The following PCDH17 variants were observed in gnomAD, a reference collection of about 807,000 sequenced individuals.
PCDH17 encodes protocadherin 17.
A neutral mutation model predicts 67.7 loss-of-function variants in PCDH17; 21 were observed. The observed-to-expected ratio is 0.31, with a 90% CI of 0.22 to 0.45. PCDH17 has a LOEUF of 0.45. PCDH17 is among the 20% of genes least tolerant of loss of function. The probability of loss-of-function intolerance (pLI) is 1.00; values close to 1 mark genes in which losing one functional copy is unlikely to be tolerated. For missense variants in PCDH17, 1,471 were observed against 1,564.8 expected (o/e 0.94, Z 1.01); for synonymous variants, 701 against 656.7 (o/e 1.07, Z -1.03).
At chr13:57,687,360 G>C (rs1430446818) in intron 3 of PCDH17, among the ~76,000 whole-genome samples, 1 of 151,974 alleles carries the variant, frequency 6.6e-6, no homozygotes, top group East Asian at 1.9e-4. Context: ...TCACAGGTGT[G>C]TGAAACAAGC....
At chr13:57,684,691 G>T (rs1234915083) in intron 3 of PCDH17, among the ~76,000 whole-genome samples, 1 of 151,930 alleles carries the variant, frequency 6.6e-6, no homozygotes, top group African/African-American at 2.4e-5. Flanking sequence ...TTAAAGCCAT[G>T]GGGCAAGTTA....
intron 3 of PCDH17, among the ~76,000 whole-genome samples, chr13:57,667,096 A>G (rs1387922946): frequency 1.3e-5 from 2 of 152,086 alleles, no homozygotes; most frequent in African/African-American, 4.8e-5. Context: ...TTTCATAGAC[A>G]TTTCCCACCC....
At position 57,632,525 on chromosome 13, in the gene PCDH17, G is replaced by GC; in HGVS notation, c.-17dup. Reference sequence around the variant, plus strand: ...TGGCTCCTCCAGTCCGATTGCTCCTGCCCCCACCTTACAGGTCTGGGATGT... The same window carrying GC: ...TGGCTCCTCCAGTCCGATTGCTCCTGCCCCCCACCTTACAGGTCTGGGATGT... On this transcript the variant is annotated 5_prime_UTR_variant, in exon 1 of 4. Coordinates refer to ENST00000377918, the MANE Select transcript of PCDH17 (RefSeq NM_001040429.3). 1 of 1,605,510 alleles carries GC rather than the reference G, an allele frequency of 6.2e-7. No homozygotes were observed. Among genetic ancestry groups the GC allele is most frequent in the East Asian group, 2.2e-5 (1 of 44,544 alleles).
At chr13:57,660,622 A>C (rs1196373896) in intron 1 of PCDH17, among the ~76,000 whole-genome samples, 1 of 152,168 alleles carries the variant, frequency 6.6e-6, no homozygotes, top group Non-Finnish European at 1.5e-5. Context: ...TTCATGAAAC[A>C]AGCAAGATAC....
chr13:57,698,296 C>T (rs1955630467), intron 3 of PCDH17, among the ~76,000 whole-genome samples: 1 of 151,452 alleles, frequency 6.6e-6, no homozygotes, highest in African/African-American at 2.4e-5. Flanking sequence ...TAAAAAATAA[C>T]TCAATATTTT....
chr13:57,663,833 G>A (rs550852521), intron 1 of PCDH17, among the ~76,000 whole-genome samples: 6 of 151,858 alleles, frequency 4.0e-5, no homozygotes, highest in South Asian at 2.1e-4. Context: ...CTTCCTCCTC[G>A]TTCCTGTATC....
At chr13:57,652,337 G>A (rs973894082) in intron 1 of PCDH17, among the ~76,000 whole-genome samples, 12 of 151,032 alleles carry the variant, frequency 7.9e-5, no homozygotes, top group Non-Finnish European at 1.5e-4. Context: ...AGTTTTACTG[G>A]AGTACTAATT....
In PCDH17 at chr13:57,634,742, C is replaced by T. The variant is rs557490129; in HGVS notation, c.2196C>T (p.Arg732=). ...TCACCATCGCCGTCAAGTGCAAGCG[C>T]GAGAACAAGGAGATCCGCACTTACA... ...AMITIAVKCK[R]ENKEIRTYNC... The change falls in exon 1 of 4, where the codon CGC becomes CGT. Residue 732 remains arginine (R), a synonymous_variant. Transcript: ENST00000377918. This position sits in a 1 kb window ranked among gnomAD's most constrained non-coding sequence, Gnocchi z 7.8. 3.3e-5 allele frequency: 53 copies of T among 1,613,928 alleles called. No homozygotes were observed. In the South Asian group the frequency reaches 5.6e-4, roughly 17 times the overall value.
At chr13:57,698,119 G>T (rs562833313) in intron 3 of PCDH17, among the ~76,000 whole-genome samples, 83 of 151,276 alleles carry the variant, frequency 5.5e-4, no homozygotes, top group Non-Finnish European at 1.0e-3. Flanking sequence ...ATTTTACCTG[G>T]ACCTAATGTA....
At chr13:57,715,862 A>C (rs1287783658) in intron 3 of PCDH17, among the ~76,000 whole-genome samples, 1 of 151,986 alleles carries the variant, frequency 6.6e-6, no homozygotes, top group Non-Finnish European at 1.5e-5. Flanking sequence ...GATAACAGAA[A>C]ATTAGAGGAA....
chr13:57,645,599 A>T (rs981884291), intron 1 of PCDH17, among the ~76,000 whole-genome samples: 10 of 151,404 alleles, frequency 6.6e-5, no homozygotes, highest in Admixed American at 5.9e-4. Flanking sequence ...TTTTATTAAT[A>T]ATATTACAAC....
At position 57,633,955 on chromosome 13, in the gene PCDH17, C is replaced by T; in HGVS notation, c.1409C>T (p.Pro470Leu). The change falls in exon 1 of 4, where the codon CCT (proline) becomes CTT (leucine). Residue 470 changes from proline (P) to leucine (L), a missense_variant. Pro to Leu is a moderately conservative substitution (Grantham distance 98, BLOSUM62 -3). Transcript: ENST00000377918. This position sits in a 1 kb window ranked among gnomAD's most constrained non-coding sequence, Gnocchi z 6.2. ...IKILDENDNP[P>L]RFTKGLYVLQ... ...ATTCTAGACGAGAACGACAACCCGC[C>T]TCGGTTCACCAAAGGGCTCTACGTG... 1.2e-6 allele frequency: 2 copies of T among 1,613,616 alleles called. No homozygotes were observed. The highest frequency in any genetic ancestry group is 1.7e-6 in the Non-Finnish European group (2 of 1,180,038).
At chr13:57,688,631 A>C (rs1767408642) in intron 3 of PCDH17, among the ~76,000 whole-genome samples, 1 of 152,086 alleles carries the variant, frequency 6.6e-6, no homozygotes, top group African/African-American at 2.4e-5. Context: ...TATATATTAT[A>C]TCAAGGTACT....
At chr13:57,636,996 T>G (rs960629080) in intron 1 of PCDH17, among the ~76,000 whole-genome samples, 7 of 152,094 alleles carry the variant, frequency 4.6e-5, no homozygotes, top group Admixed American at 1.3e-4. Flanking sequence ...TTTTGAGAGA[T>G]AGTGATACCT....
Position 57,633,473 on chromosome 13 carries a change from G to C in PCDH17, c.927G>C (p.Leu309=), listed in dbSNP as rs1170054188. The change falls in exon 1 of 4, where the codon CTG becomes CTC. Residue 309 remains leucine, a synonymous_variant. Coordinates refer to ENST00000377918, the MANE Select transcript of PCDH17 (RefSeq NM_001040429.3). This position sits in a 1 kb window ranked among gnomAD's most constrained non-coding sequence, Gnocchi z 6.2. ...GCCTAATCCGTGTGAAGGGCAATCT[G>C]GACTATGAGGAAAACGGGATGCTGG... ...KTGLIRVKGN[L]DYEENGMLEI... The C allele has an allele frequency of 1.2e-6, 2 of 1,613,686 alleles. No homozygotes were observed. Among genetic ancestry groups the C allele is most frequent in the Non-Finnish European group, 1.7e-6 (2 of 1,180,034 alleles).
chr13:57,632,604 A>AACCT lies in PCDH17; in HGVS notation c.59_62dup (p.Asn22ProfsTer43). On this transcript the variant is annotated frameshift_variant, in exon 1 of 4. Transcript: ENST00000377918. LOFTEE classifies it high-confidence loss of function. Reference sequence around the variant, plus strand: ...ATGGGCCCCTGCCCTCACTCTCAAGAACCTCAACTACTCCGTGCCGGAGGA... The same window carrying AACCT: ...ATGGGCCCCTGCCCTCACTCTCAAGAACCTACCTCAACTACTCCGTGCCGGAGGA... 1 of 1,613,830 alleles carries AACCT rather than the reference A, an allele frequency of 6.2e-7. No individual in the cohort carries two copies. The highest frequency in any genetic ancestry group is 1.1e-5 in the South Asian group (1 of 91,084).
At chr13:57,684,491 G>A (rs1020925463) in intron 3 of PCDH17, among the ~76,000 whole-genome samples, 2 of 151,814 alleles carry the variant, frequency 1.3e-5, no homozygotes, top group African/African-American at 4.8e-5. Flanking sequence ...AGGTTGCTAG[G>A]AACTTGTCCT....
chr13:57,682,734 A>G (rs892104125), intron 3 of PCDH17, among the ~76,000 whole-genome samples: 1 of 151,892 alleles, frequency 6.6e-6, no homozygotes, highest in East Asian at 1.9e-4. Flanking sequence ...TTTAAAAGAA[A>G]AAAAGATTGA....
chr13:57,724,494 C>T, intron 3 of PCDH17, 118 bp from the exon 4 acceptor site: 2 of 725,278 alleles, frequency 2.8e-6, no homozygotes, highest in Non-Finnish European at 4.5e-6. Flanking sequence ...GTTTTCTTTT[C>T]CTTTTTAATT....
Sources: gnomAD v4.1 joint callset for allele counts (sites outside exome capture counted in the v4.1 genomes callset) on GRCh38, gnomAD v4.1.1 for gene constraint, Gnocchi (gnomAD v3.1) non-coding constraint, MANE v1.5 for transcripts, NCBI Gene and HGNC (gene_info 2026-07-23, HGNC 2026-07-21) for gene names.